ITGBL1: variants seen among roughly 807,000 people sequenced by gnomAD.
ITGBL1 encodes integrin beta-like protein 1.
In ITGBL1, 51 loss-of-function variants were observed where a neutral mutation model predicts 68.5. That is an observed-to-expected ratio of 0.74 (90% CI 0.59 to 0.94). ITGBL1 has a LOEUF of 0.94. Ranked by LOEUF, ITGBL1 falls within the 40% of genes least tolerant of loss-of-function variation. The pLI is 0.00. For synonymous variants in ITGBL1, 209 were observed against 227.3 expected (o/e 0.92, Z 0.72); for missense variants, 649 against 647.4 (o/e 1.00, Z -0.03).
At chr13:101,533,527 C>A (rs537417863) in intron 2 of ITGBL1, among the ~76,000 whole-genome samples, 1 of 152,176 alleles carries the variant, frequency 6.6e-6, no homozygotes, top group Non-Finnish European at 1.5e-5. Flanking sequence ...CATTGAGATA[C>A]GTAATCCTTC....
chr13:101,645,453 G>A (rs1334525056), intron 7 of ITGBL1, among the ~76,000 whole-genome samples: 3 of 151,984 alleles, frequency 2.0e-5, no homozygotes, highest in African/African-American at 7.3e-5. Flanking sequence ...ATCTGTGAAT[G>A]AGCCTGGGAA....
chr13:101,663,472 C>A (rs1184097674), intron 7 of ITGBL1, among the ~76,000 whole-genome samples: 1 of 152,168 alleles, frequency 6.6e-6, no homozygotes. Context: ...ATGGGCCTCC[C>A]AGCTGCCATC....
intron 9 of ITGBL1, among the ~76,000 whole-genome samples, chr13:101,708,839 C>T (rs536353997): frequency 1.3e-5 from 2 of 152,372 alleles, no homozygotes; most frequent in African/African-American, 4.8e-5. Flanking sequence ...AATGTCATTA[C>T]AGCAGGCAGG....
chr13:101,527,746 A>C (rs914060416), intron 2 of ITGBL1, among the ~76,000 whole-genome samples: 5 of 152,046 alleles, frequency 3.3e-5, no homozygotes, highest in African/African-American at 1.2e-4. Context: ...AATTTCAGTT[A>C]AATTTTACTA....
At chr13:101,650,661 A>G (rs1304549604) in intron 7 of ITGBL1, among the ~76,000 whole-genome samples, 1 of 147,970 alleles carries the variant, frequency 6.8e-6, no homozygotes, top group Admixed American at 6.8e-5. Context: ...TCTAGGGTAC[A>G]TGTGCGGGAT....
intron 6 of ITGBL1, among the ~76,000 whole-genome samples, chr13:101,588,401 C>A (rs1039979610): frequency 1.3e-5 from 2 of 151,926 alleles, no homozygotes; most frequent in Non-Finnish European, 2.9e-5. Flanking sequence ...ACAAACAGCA[C>A]CATGCCGAAT....
At chr13:101,557,946 A>G (rs1293254261) in intron 2 of ITGBL1, among the ~76,000 whole-genome samples, 2 of 151,892 alleles carry the variant, frequency 1.3e-5, no homozygotes, top group African/African-American at 4.8e-5. Flanking sequence ...AAAATTAGCC[A>G]GGCATGGTGA....
chr13:101,525,646 C>T (rs1437502594), intron 2 of ITGBL1, among the ~76,000 whole-genome samples: 1 of 151,862 alleles, frequency 6.6e-6, no homozygotes, highest in Non-Finnish European at 1.5e-5. Context: ...GCATTACTCC[C>T]ATAGAAAGAA....
chr13:101,468,191 C>A (rs2048409486), intron 2 of ITGBL1, among the ~76,000 whole-genome samples: 1 of 152,122 alleles, frequency 6.6e-6, no homozygotes, highest in Non-Finnish European at 1.5e-5. Context: ...TCCTGGGCAA[C>A]ACCATTAGTT....
At chr13:101,545,154 G>A (rs1180211961) in intron 2 of ITGBL1, among the ~76,000 whole-genome samples, 1 of 152,226 alleles carries the variant, frequency 6.6e-6, no homozygotes. Flanking sequence ...CACACTGGGA[G>A]CTGTAGACTG....
At chr13:101,467,910 G>T (rs1345648889) in intron 2 of ITGBL1, among the ~76,000 whole-genome samples, 1 of 152,010 alleles carries the variant, frequency 6.6e-6, no homozygotes, top group Non-Finnish European at 1.5e-5. Flanking sequence ...CAATGAGTTT[G>T]GGCATTGCTT....
At chr13:101,464,191 G>A (rs2048352887) in intron 2 of ITGBL1, among the ~76,000 whole-genome samples, 1 of 152,038 alleles carries the variant, frequency 6.6e-6, no homozygotes, top group Admixed American at 6.6e-5. Flanking sequence ...GAGCCACCAC[G>A]CCTGACCCAT....
intron 2 of ITGBL1, among the ~76,000 whole-genome samples, chr13:101,492,470 T>C (rs150126033): frequency 2.8e-3 from 419 of 152,286 alleles, no homozygotes; most frequent in Non-Finnish European, 4.6e-3. Flanking sequence ...TTTAGGACCT[T>C]TTTGTAATTT....
intron 2 of ITGBL1, among the ~76,000 whole-genome samples, chr13:101,557,642 T>A (rs2050029272): frequency 6.6e-6 from 1 of 152,156 alleles, no homozygotes; most frequent in African/African-American, 2.4e-5. Flanking sequence ...TCGGGTCTCC[T>A]ATTCTGGATA....
At position 101,622,911 on chromosome 13, in the gene ITGBL1, A is replaced by ATGTGTGTGTGTGTGTG. The variant is rs756971096; in HGVS notation, c.1015+24615_1015+24616insGTGTGTGTGTGTGTGT. ...TGAGGCTGGGATGTGTGTGTGGGGT[A>ATGTGTGTGTGTGTGTG]TGTATGTGTGTGTGTGTGTGTGTGT... On this transcript the variant is annotated intron_variant, in intron 7 of 10. Transcript: ENST00000376180. Among the ~76,000 whole-genome samples, 6 of 115,044 alleles carry ATGTGTGTGTGTGTGTG rather than the reference A, an allele frequency of 5.2e-5. No homozygotes were observed. In the East Asian group the frequency reaches 8.2e-4, roughly 16 times the overall value. 75.5% of individuals were successfully genotyped at this position (115,044 alleles called of 152,430 possible). A position where few individuals can be genotyped will look rare whatever the true frequency, so the allele number is the denominator to read the frequency against.
At chr13:101,586,525 G>A (rs150930968) in intron 6 of ITGBL1, among the ~76,000 whole-genome samples, 11 of 152,114 alleles carry the variant, frequency 7.2e-5, no homozygotes, top group Non-Finnish European at 1.5e-4. Flanking sequence ...AACTCAGAGA[G>A]GGAGGCATTA....
chr13:101,588,205 G>C (rs2139301064), intron 6 of ITGBL1, among the ~76,000 whole-genome samples: 1 of 152,140 alleles, frequency 6.6e-6, no homozygotes, highest in African/African-American at 2.4e-5. Context: ...GGCTGCTCTT[G>C]CTGCAAATCT....
chr13:101,675,811 C>A (rs1594972793), intron 7 of ITGBL1, among the ~76,000 whole-genome samples: 1 of 152,130 alleles, frequency 6.6e-6, no homozygotes. Context: ...GCATGAGATA[C>A]AATTTCAAGT....
At chr13:101,460,061 T>C (rs1198154100) in intron 2 of ITGBL1, among the ~76,000 whole-genome samples, 3 of 152,134 alleles carry the variant, frequency 2.0e-5, no homozygotes, top group Non-Finnish European at 4.4e-5. Context: ...AGCCTACTTG[T>C]GGATTTACTC....
Sources: allele counts gnomAD v4.1 joint callset (sites outside exome capture counted in the v4.1 genomes callset), GRCh38; gene constraint gnomAD v4.1.1; transcripts MANE v1.5; gene names NCBI Gene and HGNC (gene_info 2026-07-23, HGNC 2026-07-21).